The following SCHIP1 variants were observed in gnomAD, a reference collection of about 807,000 sequenced individuals.
SCHIP1 encodes schwannomin interacting protein 1.
SCHIP1 carries 8 observed loss-of-function variants against 29.7 expected under a neutral mutation model. The ratio of observed to expected loss-of-function variants is 0.27; its 90% CI spans 0.16 to 0.49. The LOEUF (loss-of-function observed/expected upper bound fraction) is 0.49. Ranked by LOEUF, SCHIP1 falls within the 20% of genes least tolerant of loss-of-function variation. The probability of loss-of-function intolerance (pLI) is 0.99; values close to 1 mark genes in which losing one functional copy is unlikely to be tolerated. For synonymous variants in SCHIP1, 76 were observed against 94.9 expected (o/e 0.80, Z 1.16); for missense variants, 193 against 294.6 (o/e 0.66, Z 2.52).
At chr3:159,601,402 T>C in the SCHIP1 span, among the ~76,000 whole-genome samples, 1 of 152,192 alleles carries the variant, frequency 6.6e-6, no homozygotes, top group African/African-American at 2.4e-5. Context: ...AGCCCTGCTT[T>C]AGCATGAAGT....
At chr3:159,846,113 T>TC (rs898118272) in intron 1 of SCHIP1, 20 of 152,202 alleles carry the variant, frequency 1.3e-4, no homozygotes, top group African/African-American at 4.8e-4. Flanking sequence ...TCATGGTCTG[T>TC]CCCCAAGTGC....
the SCHIP1 span, among the ~76,000 whole-genome samples, chr3:159,499,831 A>G: frequency 1.3e-5 from 2 of 152,192 alleles, no homozygotes; most frequent in Non-Finnish European, 2.9e-5. Flanking sequence ...CCATTTTATA[A>G]ATGAGGAAAC....
At chr3:159,313,337 C>T in the SCHIP1 span, among the ~76,000 whole-genome samples, 1 of 152,136 alleles carries the variant, frequency 6.6e-6, no homozygotes, top group African/African-American at 2.4e-5. Flanking sequence ...CTGTGCCTCC[C>T]TAAACTTGGG....
chr3:159,664,647 G>T, the SCHIP1 span, among the ~76,000 whole-genome samples: 24 of 152,220 alleles, frequency 1.6e-4, no homozygotes, highest in Non-Finnish European at 2.8e-4. Context: ...ATCGGAAAGT[G>T]TTGCAGGCAA....
At chr3:159,337,850 G>A in the SCHIP1 span, among the ~76,000 whole-genome samples, 441 of 152,214 alleles carry the variant, frequency 2.9e-3, 3 homozygotes, top group African/African-American at 9.0e-3. Flanking sequence ...TATCTTCTTC[G>A]TCTGAAGACA....
At chr3:159,402,180 A>G in the SCHIP1 span, among the ~76,000 whole-genome samples, 1 of 152,262 alleles carries the variant, frequency 6.6e-6, no homozygotes, top group African/African-American at 2.4e-5. Context: ...ACATAAATAA[A>G]TGCTCATCAT....
chr3:159,793,485 T>C, the SCHIP1 span, among the ~76,000 whole-genome samples: 1 of 152,216 alleles, frequency 6.6e-6, no homozygotes, highest in Non-Finnish European at 1.5e-5. Flanking sequence ...TTTATTATTT[T>C]ATACTTCTGA....
At chr3:159,531,536 G>C in the SCHIP1 span, among the ~76,000 whole-genome samples, 1 of 152,138 alleles carries the variant, frequency 6.6e-6, no homozygotes, top group Admixed American at 6.6e-5. Context: ...CAAACTCTCT[G>C]CAGAATACAA....
chr3:159,509,211 AC>A, the SCHIP1 span, among the ~76,000 whole-genome samples: 1 of 152,050 alleles, frequency 6.6e-6, no homozygotes. Flanking sequence ...TGATCCCTTT[AC>A]CATTATGTAA....
At chr3:159,811,464 G>A in the SCHIP1 span, among the ~76,000 whole-genome samples, 6 of 152,150 alleles carry the variant, frequency 3.9e-5, no homozygotes, top group Non-Finnish European at 4.4e-5. Context: ...TCATTTTTGT[G>A]TATAGTGTGA....
chr3:159,816,193 C>A, the SCHIP1 span, among the ~76,000 whole-genome samples: 11 of 152,070 alleles, frequency 7.2e-5, no homozygotes, highest in African/African-American at 2.7e-4. Flanking sequence ...AAGTGATCCA[C>A]CTGCCTCAGC....
At chr3:159,792,775 T>A in the SCHIP1 span, among the ~76,000 whole-genome samples, 1 of 152,346 alleles carries the variant, frequency 6.6e-6, no homozygotes, top group Admixed American at 6.5e-5. Context: ...GTTTTCATAT[T>A]TACTTACAAG....
chr3:159,274,127 T>C, the SCHIP1 span: 2 of 985,268 alleles, frequency 2.0e-6, no homozygotes, highest in Non-Finnish European at 2.4e-6. Flanking sequence ...AGTTTGAGTG[T>C]TCTTTTTTGT....
the SCHIP1 span, among the ~76,000 whole-genome samples, chr3:159,746,508 C>A: frequency 6.6e-6 from 1 of 152,096 alleles, no homozygotes; most frequent in Admixed American, 6.5e-5. Flanking sequence ...GACTGTCTGG[C>A]ACTCTGGCTA....
the SCHIP1 span, among the ~76,000 whole-genome samples, chr3:159,623,286 T>A: frequency 6.6e-6 from 1 of 152,192 alleles, no homozygotes; most frequent in African/African-American, 2.4e-5. Flanking sequence ...AAATTTTTCA[T>A]AGGAATGGGA....
At chr3:159,709,783 A>G in the SCHIP1 span, among the ~76,000 whole-genome samples, 1 of 152,240 alleles carries the variant, frequency 6.6e-6, no homozygotes, top group African/African-American at 2.4e-5. Context: ...TGTCTATTAG[A>G]AATAATCAAA....
chr3:159,392,333 T>G, the SCHIP1 span, among the ~76,000 whole-genome samples: 2 of 152,188 alleles, frequency 1.3e-5, no homozygotes, highest in African/African-American at 4.8e-5. Flanking sequence ...TATTATACTT[T>G]AAGTTTTAGG....
At chr3:159,317,764 A>G in the SCHIP1 span, among the ~76,000 whole-genome samples, 1 of 152,216 alleles carries the variant, frequency 6.6e-6, no homozygotes, top group African/African-American at 2.4e-5. Flanking sequence ...TGCTGTGTGG[A>G]ATACTATGAC....
At chr3:159,398,816 G>T in the SCHIP1 span, 1,363 of 178,354 alleles carry the variant, frequency 7.6e-3, 17 homozygotes, top group African/African-American at 0.031. Context: ...TCTGGAGAAA[G>T]GACAGGTTTG....
Sources: allele counts gnomAD v4.1 joint callset (sites outside exome capture counted in the v4.1 genomes callset), GRCh38; gene constraint gnomAD v4.1.1; transcripts MANE v1.5; gene names NCBI Gene and HGNC (gene_info 2026-07-23, HGNC 2026-07-21).